UTRN: variants seen among roughly 807,000 people sequenced by gnomAD.
UTRN encodes the protein utrophin.
In UTRN, 283 loss-of-function variants were observed where a neutral mutation model predicts 463.9. That is an observed-to-expected ratio of 0.61 (90% CI 0.55 to 0.67). UTRN has a LOEUF of 0.67. Ranked by LOEUF, UTRN falls within the 30% of genes least tolerant of loss-of-function variation. UTRN has a pLI of 0.00. For synonymous variants in UTRN, 1,442 were observed against 1,431.5 expected, an observed-to-expected ratio of 1.01 and a Z score of -0.17; for missense variants, 3,922 against 4,084.3, an observed-to-expected ratio of 0.96 and a Z score of 1.08.
chr6:144,617,389 C>T (rs2128645658), intron 51 of UTRN, among the ~76,000 whole-genome samples: 1 of 152,284 alleles, frequency 6.6e-6, no homozygotes, highest in African/African-American at 2.4e-5. Flanking sequence ...ATGATATTTC[C>T]TCTATTTAAA....
chr6:144,437,452 G>A (rs1786676027), intron 10 of UTRN, 113 bp from the exon 11 acceptor site: 4 of 1,068,672 alleles, frequency 3.7e-6, no homozygotes, highest in Non-Finnish European at 5.1e-6. Context: ...GCTCTACTAG[G>A]CTACCTTTTT....
At chr6:144,318,307 T>C (rs776258885) in intron 2 of UTRN, among the ~76,000 whole-genome samples, 17 of 152,194 alleles carry the variant, frequency 1.1e-4, no homozygotes, top group Non-Finnish European at 2.2e-4. Context: ...TATTTATTTA[T>C]TTTCTGAGAT....
intron 55 of UTRN, among the ~76,000 whole-genome samples, chr6:144,749,688 A>G (rs779669380): frequency 6.6e-5 from 10 of 152,198 alleles, no homozygotes; most frequent in Non-Finnish European, 1.5e-4. Flanking sequence ...TTGCCATATA[A>G]CACCTGACCA....
chr6:144,669,153 G>A (rs563137107), intron 51 of UTRN, among the ~76,000 whole-genome samples: 1 of 152,198 alleles, frequency 6.6e-6, no homozygotes, highest in South Asian at 2.1e-4. Context: ...AAACTAATAT[G>A]GATAGTTATG....
At chr6:144,336,119 G>C (rs571164328) in intron 2 of UTRN, among the ~76,000 whole-genome samples, 1 of 152,282 alleles carries the variant, frequency 6.6e-6, no homozygotes, top group East Asian at 1.9e-4. Flanking sequence ...ATTTGCAAGA[G>C]GAAGCACACA....
At position 144,499,246 on chromosome 6, in the gene UTRN, C is replaced by G; in HGVS notation, c.4594-11C>G. On this transcript the variant is annotated splice_polypyrimidine_tract_variant and intron_variant, in intron 33 of 74. Coordinates refer to ENST00000367545, the MANE Select transcript of UTRN (RefSeq NM_007124.3). Reference sequence around the variant, plus strand: ...TCAGTCTCAGTCTCTCCCTGCCTCTCTCCGTCTCAGGTGACAGAAGGAAAA... The same window carrying G: ...TCAGTCTCAGTCTCTCCCTGCCTCTGTCCGTCTCAGGTGACAGAAGGAAAA... The G allele has an allele frequency of 6.2e-7, 1 of 1,608,864 alleles. No homozygotes were observed. The highest frequency in any genetic ancestry group is 8.5e-7 in the Non-Finnish European group (1 of 1,176,242).
In UTRN at chr6:144,289,364, ATTTC is replaced by A. The variant is rs1314878677; in HGVS notation, c.-92-2367_-92-2364del. Among the ~76,000 whole-genome samples the A allele has an allele frequency of 2.0e-5, 3 of 152,244 alleles. No homozygotes were observed. The East Asian group carries it at 5.8e-4, about 29-fold the overall frequency. ...ATCTAAATATCCCACATATTCACCC[ATTTC>A]TTTCTATCTACTCTTGTTTAGACCA... On this transcript the variant is annotated intron_variant, in intron 1 of 74. Transcript: ENST00000367545.
chr6:144,469,279 A>G (rs771084024), intron 23 of UTRN, among the ~76,000 whole-genome samples: 1 of 152,194 alleles, frequency 6.6e-6, no homozygotes, highest in Non-Finnish European at 1.5e-5. Context: ...ATAAACACCA[A>G]AACTTGGATG....
chr6:144,491,179 T>C, intron 32 of UTRN, 77 bp downstream of exon 32: 1 of 1,401,830 alleles, frequency 7.1e-7, no homozygotes, highest in Non-Finnish European at 9.6e-7. Context: ...AGTACATGCC[T>C]AGTGTGTCCA....
chr6:144,763,377 GCT>G (rs1361202632), intron 58 of UTRN, among the ~76,000 whole-genome samples: 3 of 152,030 alleles, frequency 2.0e-5, no homozygotes, highest in South Asian at 2.1e-4. Flanking sequence ...ATCCTGCAAA[GCT>G]CTTTTAGACC....
At chr6:144,804,774 A>G (rs1777997665) in intron 65 of UTRN, among the ~76,000 whole-genome samples, 1 of 152,130 alleles carries the variant, frequency 6.6e-6, no homozygotes, top group Admixed American at 6.6e-5. Flanking sequence ...CTTGAGAAAG[A>G]CACTCCTGAG....
At chr6:144,401,761 A>G (rs994774608) in intron 2 of UTRN, among the ~76,000 whole-genome samples, 3 of 152,110 alleles carry the variant, frequency 2.0e-5, no homozygotes, top group Non-Finnish European at 2.9e-5. Context: ...TAAGGACCGA[A>G]GACCACAAAC....
chr6:144,843,654 C>T (rs1781782707), intron 73 of UTRN, among the ~76,000 whole-genome samples: 1 of 152,110 alleles, frequency 6.6e-6, no homozygotes, highest in Non-Finnish European at 1.5e-5. Context: ...TCATCCTCTC[C>T]CCTGCATTGG....
intron 54 of UTRN, among the ~76,000 whole-genome samples, chr6:144,743,294 C>T (rs1790307166): frequency 1.3e-5 from 2 of 152,072 alleles, no homozygotes; most frequent in African/African-American, 4.8e-5. Context: ...GAAAAAAACA[C>T]CATACATATG....
chr6:144,440,054 T>G (rs1466006474), intron 12 of UTRN, among the ~76,000 whole-genome samples: 2 of 152,214 alleles, frequency 1.3e-5, no homozygotes, highest in African/African-American at 4.8e-5. Context: ...ATTCCTAGTA[T>G]GGACACTCAA....
intron 68 of UTRN, 119 bp downstream of exon 68, chr6:144,827,795 A>G: frequency 8.3e-7 from 1 of 1,202,846 alleles, no homozygotes; most frequent in Non-Finnish European, 1.2e-6. Context: ...AGGAGTTATG[A>G]TTCCATTATA....
chr6:144,755,441 C>T (rs1480321133), intron 57 of UTRN, among the ~76,000 whole-genome samples: 1 of 152,070 alleles, frequency 6.6e-6, no homozygotes, highest in East Asian at 1.9e-4. Flanking sequence ...TAAAGAATGT[C>T]GGATTTATAG....
At chr6:144,793,724 C>G (rs1383813642) in intron 62 of UTRN, 110 bp from the exon 63 acceptor site, 1 of 1,344,286 alleles carries the variant, frequency 7.4e-7, no homozygotes. Flanking sequence ...GATTCATGTC[C>G]TTCTGAAATT....
At chr6:144,778,178 A>T (rs1404480537) in intron 60 of UTRN, among the ~76,000 whole-genome samples, 7 of 152,160 alleles carry the variant, frequency 4.6e-5, no homozygotes, top group Admixed American at 4.6e-4. Flanking sequence ...AAGGATGATC[A>T]AAGCTGAGCT....
Sources: allele counts gnomAD v4.1 joint callset (sites outside exome capture counted in the v4.1 genomes callset), GRCh38; gene constraint gnomAD v4.1.1; transcripts MANE v1.5; gene names NCBI Gene and HGNC (gene_info 2026-07-23, HGNC 2026-07-21).